Variants in ABCA7 observed in about 807,000 individuals in gnomAD.
The protein encoded by ABCA7 is ATP binding cassette subfamily A member 7.
In ABCA7, 261 loss-of-function variants were observed where a neutral mutation model predicts 227.6. That is an observed-to-expected ratio of 1.15 (90% CI 1.04 to 1.27). The LOEUF (loss-of-function observed/expected upper bound fraction) is 1.27, where lower values mean the gene tolerates loss of function less well. Among genes scored for constraint, ABCA7 ranks in the 50% most tolerant of loss-of-function variants. ABCA7 has a pLI of 0.00. For synonymous variants in ABCA7, 1,488 were observed against 1,279.7 expected (o/e 1.16, Z -3.47); for missense variants, 3,331 against 2,924.5 (o/e 1.14, Z -3.21).
intron 13 of ABCA7, 100 bp from the exon 14 acceptor site, chr19:1,046,702 G>T (rs886995782): frequency 1.5e-6 from 2 of 1,302,488 alleles, no homozygotes; most frequent in Non-Finnish European, 2.1e-6. Flanking sequence ...AAATCTTCCC[G>T]CCTTGAGATC....
At chr19:1,060,855 G>A (rs1281660988) in intron 40 of ABCA7, among the ~76,000 whole-genome samples, 2 of 151,954 alleles carry the variant, frequency 1.3e-5, no homozygotes, top group Non-Finnish European at 2.9e-5. Flanking sequence ...ACTGTGTGCT[G>A]GCCAACCTCT....
At chr19:1,051,329 G>T (rs970268266) in intron 20 of ABCA7, 35 bp downstream of exon 20, 2 of 1,491,024 alleles carry the variant, frequency 1.3e-6, no homozygotes, top group African/African-American at 2.9e-5. Context: ...ACCTCACAGG[G>T]AGGGGCCTGG....
In ABCA7 at chr19:1,053,525, C is replaced by G. The variant is rs3752241; in HGVS notation, c.3417C>G (p.Leu1139=). 0.17 allele frequency: 267,523 copies of G among 1,561,844 alleles called. 23,671 individuals are homozygous for G. Among genetic ancestry groups the G allele is most frequent in the South Asian group, 0.25 (21,729 of 86,170 alleles). Residue 1139 remains leucine, a synonymous_variant, in exon 24 of 47, where the codon CTC becomes CTG. Transcript: ENST00000263094. ...LTGYGISDTS[L]EEIFLKVVEE... ...GCTACGGGATCTCCGACACCAGCCT[C>G]GAGGAGGTGTGAGGCCTGGGTGGTG...
At chr19:1,055,035 G>A (rs1254497243) in intron 29 of ABCA7, 62 bp from the exon 30 acceptor site, 9 of 1,543,710 alleles carry the variant, frequency 5.8e-6, no homozygotes, top group African/African-American at 2.7e-5. Context: ...GAAGCTGGGT[G>A]CCCACAGACC....
At chr19:1,057,814 T>G in intron 35 of ABCA7, 101 bp from the exon 36 acceptor site, 2 of 1,389,362 alleles carry the variant, frequency 1.4e-6, no homozygotes, top group East Asian at 2.4e-5. Flanking sequence ...TGGGTGAAAA[T>G]GTCAAGGTCT....
intron 40 of ABCA7, among the ~76,000 whole-genome samples, chr19:1,059,415 C>T (rs1335308075): frequency 6.7e-6 from 1 of 149,806 alleles, no homozygotes; most frequent in Non-Finnish European, 1.5e-5. Flanking sequence ...CAGGCGCCCA[C>T]CACCACGCCC....
intron 3 of ABCA7, 63 bp from the exon 4 acceptor site, chr19:1,041,768 G>T: frequency 1.3e-6 from 2 of 1,592,604 alleles, no homozygotes; most frequent in South Asian, 1.1e-5. Context: ...GGTGCCGGGC[G>T]ACCCGATGGG....
chr19:1,057,077 G>T lies in ABCA7; in HGVS notation c.4757G>T (p.Trp1586Leu). 6.2e-7 allele frequency: 1 copy of T among 1,612,374 alleles called. No homozygotes were observed. Among genetic ancestry groups the T allele is most frequent in the Non-Finnish European group, 8.5e-7 (1 of 1,179,552 alleles). The change falls in exon 34 of 47, where the codon TGG becomes TTG. Residue 1586 changes from tryptophan (W) to leucine (L), a missense_variant. By Grantham distance (61) the Trp-to-Leu change is moderately conservative. Transcript: ENST00000263094. ...PTLYWLGNFL[W>L]DMCNYLVPAC... The stretch of plus-strand genomic sequence containing the variant: ...CTCTACTGGCTTGGCAACTTTCTCT[G>T]GGACATGGTGCGGGGGCTGCTTGGA...
rs753135749 is a variant in ABCA7, at chr19:1,045,130, C to T, written c.1344C>T (p.Asp448=). Residue 448 remains aspartate (D), a synonymous_variant, in exon 12 of 47, where the codon GAC becomes GAT. Transcript: ENST00000263094. ...VVFLGPEDSS[D]PTEHPTPDLG... is the part of the protein sequence containing the mutation. ...TCTTGGGACCTGAGGACTCTTCAGA[C>T]CCCACAGAGCACCCAACCCCAGACC... 3 of 1,612,954 alleles carry T rather than the reference C, an allele frequency of 1.9e-6. No individual in the cohort carries two copies. Among genetic ancestry groups the T allele is most frequent in the Non-Finnish European group, 2.5e-6 (3 of 1,179,992 alleles).
In ABCA7 at chr19:1,051,171, C is replaced by A; in HGVS notation, c.2701C>A (p.His901Asn). The change falls in exon 20 of 47, where the codon CAC becomes AAC. Residue 901 changes from histidine to asparagine, a missense_variant. His to Asn is a moderately conservative substitution (Grantham distance 68). Coordinates refer to ENST00000263094, the MANE Select transcript of ABCA7 (RefSeq NM_019112.4). ...TGGCCGCAGGCTGACCGTGGACGAG[C>A]ACGTCTGGTTCTATGGGCGGCTGAA... ...VLFDMLTVDE[H>N]VWFYGRLKGL... is the part of the protein sequence containing the mutation. 3.1e-6 allele frequency: 5 copies of A among 1,611,210 alleles called. No homozygotes were observed. The highest frequency in any genetic ancestry group is 4.2e-6 in the Non-Finnish European group (5 of 1,179,904).
At position 1,046,349 on chromosome 19, in the gene ABCA7, A is replaced by T. The variant is rs1025701348; in HGVS notation, c.1565A>T (p.Asn522Ile). ...GCCGTCCGCGTGCTCAGCGGCGCCAACCCCCGGGCCGGCCTCTACCTGCAG... is the reference window on the plus strand; with the variant it reads ...GCCGTCCGCGTGCTCAGCGGCGCCATCCCCCGGGCCGGCCTCTACCTGCAG... ...RAAVRVLSGA[N>I]PRAGLYLQQM... is the part of the protein sequence containing the mutation. Residue 522 changes from asparagine (N) to isoleucine (I), a missense_variant, in exon 13 of 47, where the codon AAC becomes ATC. Asn to Ile is a moderately radical substitution (Grantham distance 149, BLOSUM62 -3). Transcript: ENST00000263094. 8 of 1,597,808 alleles carry T rather than the reference A, an allele frequency of 5.0e-6. No individual in the cohort carries two copies. Among genetic ancestry groups the T allele is most frequent in the Non-Finnish European group, 6.8e-6 (8 of 1,176,626 alleles).
At chr19:1,049,120 C>T in intron 17 of ABCA7, 115 bp downstream of exon 17, 7 of 1,052,154 alleles carry the variant, frequency 6.7e-6, no homozygotes, top group South Asian at 4.6e-5. Flanking sequence ...CTCACACCTG[C>T]CCTGAAGACA....
intron 23 of ABCA7, among the ~76,000 whole-genome samples, chr19:1,053,022 T>C (rs2041916955): frequency 1.3e-5 from 2 of 152,058 alleles, no homozygotes; most frequent in African/African-American, 4.8e-5. Context: ...GCCTCTCGAG[T>C]AACTGGGATT....
At chr19:1,051,649 TG>T in intron 21 of ABCA7, 63 bp downstream of exon 21, 2 of 1,522,364 alleles carry the variant, frequency 1.3e-6, no homozygotes, top group Non-Finnish European at 1.8e-6. Context: ...GTGCTGGGGA[TG>T]GGGTTTTGAG....
At position 1,047,377 on chromosome 19, in the gene ABCA7, C is replaced by T. The variant is rs1301946758; in HGVS notation, c.2066C>T (p.Ala689Val). The stretch of plus-strand genomic sequence containing the variant: ...CTGCCCGCGGGTGGCCGCGTGGCCG[C>T]GGTGAGAGCCGGGTCGGGCGTGGAT... ...DRLPAGGRVA[A>V]SLLSPVAFGF... The change falls in exon 15 of 47, where the codon GCG becomes GTG. Residue 689 changes from alanine to valine, a missense_variant and splice_region_variant. Ala to Val is a moderately conservative substitution (Grantham distance 64, BLOSUM62 0). Transcript: ENST00000263094. 1.9e-6 allele frequency: 3 copies of T among 1,564,456 alleles called. No individual in the cohort carries two copies. The highest frequency in any genetic ancestry group is 1.9e-5 in the Admixed American group (1 of 53,466).
intron 45 of ABCA7, chr19:1,064,652 A>G (rs1457655816): frequency 3.7e-6 from 2 of 536,908 alleles, no homozygotes; most frequent in Non-Finnish European, 6.4e-6. Context: ...AGTGTCCGAA[A>G]AAGGAGTCAA....
In ABCA7 at chr19:1,057,032, TG is replaced by T. The variant is rs1036868082; in HGVS notation, c.4718del (p.Gly1573AlafsTer82). The T allele has an allele frequency of 1.2e-6, 2 of 1,613,650 alleles. No individual in the cohort carries two copies. The highest frequency in any genetic ancestry group is 1.7e-6 in the Non-Finnish European group (2 of 1,179,972). On this transcript the variant is annotated frameshift_variant, in exon 34 of 47. Transcript: ENST00000263094. LOFTEE classifies it high-confidence loss of function. ...RVTRAKHLQL[M>X]GGLSPTLYWL... is the part of the protein sequence containing the mutation. ...ACCCGAGCCAAGCACCTGCAGCTCA[TG>T]GGGGGCCTGTCCCCCACCCTCTACT...
Position 1,054,766 on chromosome 19 carries a change from C to T in ABCA7, c.3852-14C>T. 6.2e-7 allele frequency: 1 copy of T among 1,607,474 alleles called. No homozygotes were observed. The highest frequency in any genetic ancestry group is 2.2e-5 in the East Asian group (1 of 44,592). On this transcript the variant is annotated splice_polypyrimidine_tract_variant and intron_variant, in intron 28 of 46. Transcript: ENST00000263094. This position sits in a 1 kb window ranked among gnomAD's most constrained non-coding sequence, Gnocchi z 4.8. Reference sequence around the variant, plus strand: ...GGGGTACAGCCCTGACCCTACATCTCCCCTCACACACAGTGAGGACGCCCC... The same window carrying T: ...GGGGTACAGCCCTGACCCTACATCTTCCCTCACACACAGTGAGGACGCCCC...
rs1333811009 is a variant in ABCA7 at position 1,044,967 on chromosome 19, C to CCTAGT, written c.1216-34_1216-33insTAGTC. On this transcript the variant is annotated intron_variant, in intron 11 of 46. Coordinates refer to ENST00000263094, the MANE Select transcript of ABCA7 (RefSeq NM_019112.4). ...CGGAGTGGTCTAGGAGGCAGGCGGACCCCAGCGCCTAGGACTCACCCCCGC... is the reference window on the plus strand; with the variant it reads ...CGGAGTGGTCTAGGAGGCAGGCGGACCTAGTCCCAGCGCCTAGGACTCACCCCCGC... 9 of 1,604,214 alleles carry CCTAGT rather than the reference C, an allele frequency of 5.6e-6. No individual in the cohort carries two copies. The African/African-American group carries it at 9.4e-5, about 17-fold the overall frequency.
Sources: allele counts gnomAD v4.1 joint callset (sites outside exome capture counted in the v4.1 genomes callset), GRCh38; gene constraint gnomAD v4.1.1; non-coding constraint Gnocchi (gnomAD v3.1); transcripts MANE v1.5; gene names NCBI Gene and HGNC (gene_info 2026-07-23, HGNC 2026-07-21).